Variants in TPCN1 observed in about 807,000 individuals in gnomAD.
The protein encoded by TPCN1 is two pore segment channel 1, also known as two pore channel protein 1.
TPCN1 carries 52 observed loss-of-function variants against 108.8 expected under a neutral mutation model. The observed-to-expected ratio is 0.48, with a 90% CI of 0.38 to 0.60. TPCN1 has a LOEUF of 0.60. Among genes scored for constraint, TPCN1 ranks in the 20% least tolerant of loss-of-function variants. The probability of loss-of-function intolerance (pLI) is 0.00; values close to 1 mark genes in which losing one functional copy is unlikely to be tolerated. For missense variants in TPCN1, 806 were observed against 1,072.8 expected, an observed-to-expected ratio of 0.75 and a Z score of 3.47; for synonymous variants, 446 against 433.7, an observed-to-expected ratio of 1.03 and a Z score of -0.35.
intron 2 of TPCN1, among the ~76,000 whole-genome samples, chr12:113,242,125 C>A (rs1170203586): frequency 6.6e-6 from 1 of 152,226 alleles, no homozygotes; most frequent in Non-Finnish European, 1.5e-5. Context: ...ATAAAAATGA[C>A]CGTGGCGGCC....
chr12:113,263,263 G>A (rs970100461), intron 3 of TPCN1, among the ~76,000 whole-genome samples: 1 of 152,132 alleles, frequency 6.6e-6, no homozygotes, highest in Non-Finnish European at 1.5e-5. Context: ...TCTAGAGGAT[G>A]AGATGGCCTG....
At chr12:113,225,184 A>G (rs1041207840) in intron 1 of TPCN1, 6 of 446,034 alleles carry the variant, frequency 1.3e-5, no homozygotes, top group South Asian at 9.5e-5. Context: ...CCTCCCAAGC[A>G]GCTAGGCCTA....
intron 1 of TPCN1, among the ~76,000 whole-genome samples, chr12:113,223,970 T>C (rs1476964970): frequency 1.3e-5 from 2 of 152,112 alleles, no homozygotes; most frequent in Non-Finnish European, 2.9e-5. Context: ...ACAACTCCTA[T>C]ATAAAAATGA....
Position 113,260,485 on chromosome 12 carries a change from A to G in TPCN1, c.230A>G (p.Tyr77Cys). ...WEMNYQEAAI[Y>C]LQEGENNDKF... ...ATGAATTACCAAGAGGCAGCAATCT[A>G]CCTCCAGGTGAGTATCTCCAGTCAG... is the stretch of plus-strand genomic sequence containing the variant. The change falls in exon 3 of 28, where the codon TAC (tyrosine) becomes TGC (cysteine). Residue 77 changes from tyrosine to cysteine, a missense_variant. Transcript: ENST00000335509. The G allele has an allele frequency of 1.3e-6, 2 of 1,571,718 alleles. No homozygotes were observed. The highest frequency in any genetic ancestry group is 2.4e-5 in the South Asian group (2 of 85,074).
At chr12:113,295,500 A>G (rs1956395958) in intron 27 of TPCN1, among the ~76,000 whole-genome samples, 1 of 151,736 alleles carries the variant, frequency 6.6e-6, no homozygotes, top group Admixed American at 6.6e-5. Context: ...TAATTACCTG[A>G]ATACCTCAGT....
At chr12:113,267,979 C>T in intron 5 of TPCN1, 23 bp downstream of exon 5, 1 of 1,509,388 alleles carries the variant, frequency 6.6e-7, no homozygotes, top group Non-Finnish European at 9.2e-7. Context: ...CCCATCTGTC[C>T]CTCCCCTCAC....
chr12:113,243,784 A>AATAAAT (rs933506892), intron 2 of TPCN1, among the ~76,000 whole-genome samples: 1 of 145,350 alleles, frequency 6.9e-6, no homozygotes, highest in African/African-American at 2.4e-5. Context: ...TAAAAATAAA[A>AATAAAT]TAAAAAAAGT....
At position 113,268,603 on chromosome 12, in the gene TPCN1, G is replaced by A; in HGVS notation, c.529-139G>A. 1.9e-6 allele frequency: 2 copies of A among 1,037,430 alleles called. No homozygotes were observed. Among genetic ancestry groups the A allele is most frequent in the Non-Finnish European group, 2.7e-6 (2 of 727,556 alleles). The allele number at this position is 1,037,430 out of a possible 1,614,324, so 64.3% of individuals were successfully genotyped here. On this transcript the variant is annotated intron_variant, in intron 5 of 27. Coordinates refer to ENST00000335509, the MANE Select transcript of TPCN1 (RefSeq NM_017901.6). The surrounding 1 kb of genome is among the most constrained non-coding windows in gnomAD (Gnocchi z 7.3). ...CTTCTGGGGCTGCCTGATGTTGGCA[G>A]GAAGTGTGAGAGGGCTGGAGAGAGG...
intron 2 of TPCN1, among the ~76,000 whole-genome samples, chr12:113,259,722 A>G (rs567866262): frequency 1.1e-3 from 166 of 152,296 alleles, no homozygotes; most frequent in African/African-American, 3.8e-3. Flanking sequence ...TGAATGCCCA[A>G]GGGAGATGAG....
In TPCN1 at chr12:113,259,186, A is replaced by G. The variant is rs573023344; in HGVS notation, c.113-1182A>G. On this transcript the variant is annotated intron_variant, in intron 2 of 27. Transcript: ENST00000335509. The stretch of plus-strand genomic sequence containing the variant: ...GAGTTGAGGTTTTGTCATGTTGGCC[A>G]TGCTGGTCTTGAACTCCTGATCTCA... Among the ~76,000 whole-genome samples, 9 of 152,252 alleles carry G rather than the reference A, an allele frequency of 5.9e-5. No individual in the cohort carries two copies. In the East Asian group the frequency reaches 1.4e-3, roughly 23 times the overall value.
chr12:113,290,844 C>A, intron 22 of TPCN1, 108 bp from the exon 23 acceptor site: 1 of 1,044,868 alleles, frequency 9.6e-7, no homozygotes, highest in African/African-American at 1.6e-5. Flanking sequence ...CATATGGTGA[C>A]CCTCTCATCT....
intron 2 of TPCN1, chr12:113,245,847 C>T: frequency 2.4e-6 from 1 of 417,624 alleles, no homozygotes; most frequent in South Asian, 1.7e-5. Flanking sequence ...TTCTTTCCTG[C>T]TCCTCCCCAG....
chr12:113,295,116 G>A (rs979533951), intron 27 of TPCN1, among the ~76,000 whole-genome samples: 2 of 152,170 alleles, frequency 1.3e-5, no homozygotes, highest in African/African-American at 4.8e-5. Flanking sequence ...TGTGCAAGGG[G>A]ATGACTGTGC....
rs997529183 is a variant in TPCN1, at chr12:113,272,507, T to G, written c.749-151T>G. The G allele has an allele frequency of 1.3e-6, 1 of 752,576 alleles. No homozygotes were observed. The highest frequency in any genetic ancestry group is 2.4e-6 in the Non-Finnish European group (1 of 417,562). The allele number at this position is 752,576 out of a possible 1,614,324, so 46.6% of individuals were successfully genotyped here. On this transcript the variant is annotated intron_variant, in intron 7 of 27. Coordinates refer to ENST00000335509, the MANE Select transcript of TPCN1 (RefSeq NM_017901.6). This position sits in a 1 kb window ranked among gnomAD's most constrained non-coding sequence, Gnocchi z 4.1. Reference sequence around the variant, plus strand: ...AGCCCTGCTCCCTTCCAACAGAGCATGTGTTCTCAGGGTGCTGTGGTCCCC... The same window carrying G: ...AGCCCTGCTCCCTTCCAACAGAGCAGGTGTTCTCAGGGTGCTGTGGTCCCC...
At chr12:113,236,360 G>A (rs185178597) in intron 2 of TPCN1, among the ~76,000 whole-genome samples, 10 of 152,212 alleles carry the variant, frequency 6.6e-5, no homozygotes, top group Non-Finnish European at 1.3e-4. Context: ...AGGCATTTGA[G>A]TTTGTAGCCC....
Position 113,272,860 on chromosome 12 carries a change from C to T in TPCN1, c.783+168C>T, listed in dbSNP as rs1423189773. 6.6e-6 allele frequency among the ~76,000 whole-genome samples: 1 copy of T among 152,170 alleles called. No individual in the cohort carries two copies. The highest frequency in any genetic ancestry group is 1.9e-4 in the East Asian group (1 of 5,190). On this transcript the variant is annotated intron_variant, in intron 8 of 27. Coordinates refer to ENST00000335509, the MANE Select transcript of TPCN1 (RefSeq NM_017901.6). This position sits in a 1 kb window ranked among gnomAD's most constrained non-coding sequence, Gnocchi z 4.1. ...GGGAGTTCCCATCACTCAGACTTGA[C>T]CACTTTCTTCCTTGAGAGCTGGGGA...
Position 113,232,704 on chromosome 12 carries a change from G to T in TPCN1, c.112+5740G>T, listed in dbSNP as rs373379720. Among the ~76,000 whole-genome samples, 18 of 152,356 alleles carry T rather than the reference G, an allele frequency of 1.2e-4. No homozygotes were observed. The highest frequency in any genetic ancestry group is 4.1e-4 in the African/African-American group (17 of 41,588). Reference sequence around the variant, plus strand: ...GACCATGATGGCATCTACCAGTAGAGTCGTCATGGGGGATTGAGTGAGAGC... The same window carrying T: ...GACCATGATGGCATCTACCAGTAGATTCGTCATGGGGGATTGAGTGAGAGC... On this transcript the variant is annotated intron_variant, in intron 2 of 27. Coordinates refer to ENST00000335509, the MANE Select transcript of TPCN1 (RefSeq NM_017901.6). This position sits in a 1 kb window ranked among gnomAD's most constrained non-coding sequence, Gnocchi z 5.6.
At chr12:113,256,616 G>A (rs1954839568) in intron 2 of TPCN1, among the ~76,000 whole-genome samples, 1 of 152,016 alleles carries the variant, frequency 6.6e-6, no homozygotes, top group African/African-American at 2.4e-5. Context: ...TTGAACTACT[G>A]GGCTAAGGTG....
chr12:113,285,804 A>G (rs947232630), intron 17 of TPCN1, 85 bp from the exon 18 acceptor site: 1 of 1,176,684 alleles, frequency 8.5e-7, no homozygotes, highest in Non-Finnish European at 1.3e-6. Flanking sequence ...GGGAGGCTGC[A>G]GACTGTGGAG....
Sources: gnomAD v4.1 joint callset for allele counts (sites outside exome capture counted in the v4.1 genomes callset) on GRCh38, gnomAD v4.1.1 for gene constraint, Gnocchi (gnomAD v3.1) non-coding constraint, MANE v1.5 for transcripts, NCBI Gene and HGNC (gene_info 2026-07-23, HGNC 2026-07-21) for gene names.